The following MBNL2 variants were observed in gnomAD, a reference collection of about 807,000 sequenced individuals.
The protein encoded by MBNL2 is muscleblind like splicing regulator 2.
MBNL2 carries 17 observed loss-of-function variants against 41.9 expected under a neutral mutation model. The observed-to-expected ratio is 0.41, with a 90% CI of 0.28 to 0.61. The LOEUF (loss-of-function observed/expected upper bound fraction) is 0.61, where lower values mean the gene tolerates loss of function less well. Ranked by LOEUF, MBNL2 falls within the 20% of genes least tolerant of loss-of-function variation. MBNL2 has a pLI of 0.35. For missense variants in MBNL2, 336 were observed against 505.6 expected (o/e 0.66, Z 3.22); for synonymous variants, 195 against 182.9 (o/e 1.07, Z -0.53).
intron 2 of MBNL2, among the ~76,000 whole-genome samples, chr13:97,313,071 T>C (rs2058745233): frequency 6.6e-6 from 1 of 152,146 alleles, no homozygotes; most frequent in African/African-American, 2.4e-5. Flanking sequence ...GAAAATAAAT[T>C]CTAGAAATTC....
rs2063670642 is a variant in MBNL2 at position 97,364,277 on chromosome 13, T to C, written c.1013-859T>C. On this transcript the variant is annotated intron_variant, in intron 7 of 8. Transcript: ENST00000679496. ...TGCCAACTTGAGATTTCCTAGGAGT[T>C]TTGCCAGAAATCCCCCTCAGGGATC... is the stretch of plus-strand genomic sequence containing the variant. 2.0e-5 allele frequency among the ~76,000 whole-genome samples: 3 copies of C among 152,258 alleles called. No individual in the cohort carries two copies. In the East Asian group the frequency reaches 5.8e-4, roughly 29 times the overall value.
At chr13:97,256,739 A>G (rs904332371) in intron 1 of MBNL2, among the ~76,000 whole-genome samples, 1 of 152,216 alleles carries the variant, frequency 6.6e-6, no homozygotes, top group Non-Finnish European at 1.5e-5. Flanking sequence ...AGGAAACTGA[A>G]GTTTTGAGTT....
At chr13:97,303,538 A>C (rs906215237) in intron 2 of MBNL2, among the ~76,000 whole-genome samples, 1 of 152,198 alleles carries the variant, frequency 6.6e-6, no homozygotes, top group South Asian at 2.1e-4. Flanking sequence ...TCTCTCAACC[A>C]TGCAGGCTGC....
At position 97,394,118 on chromosome 13, in the gene MBNL2, G is replaced by A. The variant is rs1191750178; in HGVS notation, c.*2669G>A. On this transcript the variant is annotated 3_prime_UTR_variant, in exon 9 of 9. Transcript: ENST00000679496. ...AATGAAATAAAAGAAGCATTTAAAAGGATTGTATAGTCTTCCTTCTTTTTG... is the reference window on the plus strand; with the variant it reads ...AATGAAATAAAAGAAGCATTTAAAAAGATTGTATAGTCTTCCTTCTTTTTG... 6.6e-6 allele frequency: 1 copy of A among 152,468 alleles called. No homozygotes were observed. Among genetic ancestry groups the A allele is most frequent in the African/African-American group, 2.4e-5 (1 of 41,430 alleles). 9.4% of individuals were successfully genotyped at this position (152,468 alleles called of 1,614,324 possible). A position where few individuals can be genotyped will look rare whatever the true frequency, so the allele number is the denominator to read the frequency against.
chr13:97,162,163 T>TAGCA, the MBNL2 span, among the ~76,000 whole-genome samples: 1 of 152,066 alleles, frequency 6.6e-6, no homozygotes, highest in Admixed American at 6.6e-5. Flanking sequence ...CTCACGAGAA[T>TAGCA]AGCACCAAGG....
intron 2 of MBNL2, among the ~76,000 whole-genome samples, chr13:97,305,468 C>CA (rs1176998188): frequency 2.0e-5 from 3 of 152,034 alleles, no homozygotes; most frequent in Non-Finnish European, 4.4e-5. Context: ...ATCATGACTT[C>CA]AAAATCCCAA....
chr13:97,246,401 C>A (rs993114407), intron 1 of MBNL2, among the ~76,000 whole-genome samples: 2 of 152,106 alleles, frequency 1.3e-5, no homozygotes, highest in African/African-American at 4.8e-5. Context: ...TGAATGACTA[C>A]TCCTTATGTT....
chr13:97,321,188 A>C (rs2059470544), intron 2 of MBNL2, among the ~76,000 whole-genome samples: 1 of 152,188 alleles, frequency 6.6e-6, no homozygotes, highest in Admixed American at 6.5e-5. Flanking sequence ...TTGTCACAGT[A>C]TATTTATAAT....
chr13:97,325,069 C>T (rs923641652), intron 2 of MBNL2, among the ~76,000 whole-genome samples: 8 of 152,162 alleles, frequency 5.3e-5, no homozygotes, highest in African/African-American at 1.9e-4. Context: ...ATCAAGTTGA[C>T]ACTCAATATT....
intron 2 of MBNL2, among the ~76,000 whole-genome samples, chr13:97,302,581 G>A (rs958289860): frequency 4.6e-5 from 7 of 152,182 alleles, no homozygotes; most frequent in African/African-American, 1.7e-4. Flanking sequence ...CCCATTTTGT[G>A]GATGTGACAG....
chr13:97,373,605 A>AT (rs2064618432), intron 8 of MBNL2, among the ~76,000 whole-genome samples: 76 of 145,410 alleles, frequency 5.2e-4, no homozygotes, highest in African/African-American at 1.8e-3. Context: ...GTATGCTAAA[A>AT]ATATATATAT....
chr13:97,166,962 A>G, the MBNL2 span, among the ~76,000 whole-genome samples: 1 of 152,172 alleles, frequency 6.6e-6, no homozygotes, highest in African/African-American at 2.4e-5. Context: ...GAAAAACTCA[A>G]CAACCTGAAA....
chr13:97,166,064 C>G, the MBNL2 span, among the ~76,000 whole-genome samples: 1 of 152,188 alleles, frequency 6.6e-6, no homozygotes. Context: ...CACAAAGTAA[C>G]AGTTGCACTG....
chr13:97,294,096 C>A (rs1216843760), intron 2 of MBNL2, among the ~76,000 whole-genome samples: 1 of 151,924 alleles, frequency 6.6e-6, no homozygotes, highest in Non-Finnish European at 1.5e-5. Context: ...TTTTTCATCT[C>A]GTGTAAGCTT....
the MBNL2 span, among the ~76,000 whole-genome samples, chr13:97,173,886 C>T: frequency 2.0e-3 from 305 of 152,194 alleles, 2 homozygotes; most frequent in Non-Finnish European, 2.7e-3. Context: ...GCTTAAGTTC[C>T]GGGTTGATGT....
chr13:97,245,876 A>G lies in MBNL2; in HGVS notation c.-605+23345A>G, dbSNP rs1209185268. 2.0e-5 allele frequency among the ~76,000 whole-genome samples: 3 copies of G among 152,206 alleles called. No individual in the cohort carries two copies. In the East Asian group the frequency reaches 5.8e-4, roughly 29 times the overall value. ...AGTCCATGCAGCAGCACAATTTTCC[A>G]TTATTTTGAAGTTAAGTAACAGATG... On this transcript the variant is annotated intron_variant, in intron 1 of 8. Transcript: ENST00000679496.
rs548440925 is a variant in MBNL2 at position 97,252,134 on chromosome 13, G to A, written c.-604-23498G>A. On this transcript the variant is annotated intron_variant, in intron 1 of 8. Coordinates refer to ENST00000679496, the MANE Select transcript of MBNL2 (RefSeq NM_001382683.1). ...CAAAGTGCTGGGATTACAGGCGTGA[G>A]CCACCGCGCCCGGCCGTATCCTCAA... is the stretch of plus-strand genomic sequence containing the variant. Among the ~76,000 whole-genome samples, 4 of 152,244 alleles carry A rather than the reference G, an allele frequency of 2.6e-5. No individual in the cohort carries two copies. In the East Asian group the frequency reaches 7.7e-4, roughly 29 times the overall value.
intron 2 of MBNL2, among the ~76,000 whole-genome samples, chr13:97,313,172 G>T (rs942032816): frequency 2.7e-4 from 41 of 152,320 alleles, no homozygotes; most frequent in Middle Eastern, 3.4e-3. Flanking sequence ...TCCTAGTGGT[G>T]CTCCCTAAAT....
upstream of MBNL2, chr13:97,221,503 A>G (rs2040855554): frequency 6.6e-6 from 1 of 152,142 alleles, no homozygotes; most frequent in Admixed American, 6.5e-5. Context: ...TGGATCATGT[A>G]CCCCTTGTAT....
Sources: allele counts gnomAD v4.1 joint callset (sites outside exome capture counted in the v4.1 genomes callset), GRCh38; gene constraint gnomAD v4.1.1; transcripts MANE v1.5; gene names NCBI Gene and HGNC (gene_info 2026-07-23, HGNC 2026-07-21).